Variants in FHL1 observed in about 807,000 individuals in gnomAD.
FHL1 encodes four and a half LIM domains 1, also known as four and a half LIM domains protein 1.
In FHL1, 1 loss-of-function variant was observed where a neutral mutation model predicts 20.3. That is an observed-to-expected ratio of 0.05 (90% CI 0.02 to 0.23). FHL1 has a LOEUF of 0.23. FHL1 is among the 10% of genes least tolerant of loss of function. The pLI is 1.00. For missense variants in FHL1, 177 were observed against 234.0 expected, an observed-to-expected ratio of 0.76 and a Z score of 1.59; for synonymous variants, 82 against 88.9, an observed-to-expected ratio of 0.92 and a Z score of 0.44.
chrX:136,164,490 A>G (rs1458662695), intron 1 of FHL1, among the ~76,000 whole-genome samples: 1 of 111,189 alleles, frequency 9.0e-6, no homozygotes, highest in African/African-American at 3.3e-5. Context: ...TCTATTTTCG[A>G]TGGCTTTTTT....
In FHL1 at chrX:136,206,472, T is replaced by C. The variant is rs1313810606; in HGVS notation, c.88T>C (p.Leu30=). The part of the protein sequence containing the change: ...KFDCHYCRDP[L]QGKKYVQKDG... ...TGACTGCCACTACTGCAGGGATCCC[T>C]TGCAGGGGAAGAAGTATGTGCAAAA... Residue 30 remains leucine, a synonymous_variant, in exon 2 of 6, where the codon TTG becomes CTG. Transcript: ENST00000370683. 8.3e-7 allele frequency: 1 copy of C among 1,211,077 alleles called. No homozygotes were observed. The highest frequency in any genetic ancestry group is 1.1e-6 in the Non-Finnish European group (1 of 895,356).
chrX:136,201,365 C>T (rs964402320), intron 1 of FHL1, among the ~76,000 whole-genome samples: 2 of 111,965 alleles, frequency 1.8e-5, no homozygotes, highest in Admixed American at 1.9e-4. Flanking sequence ...AGTGGCCTGC[C>T]AGCACTTGGG....
intron 5 of FHL1, 123 bp from the exon 6 acceptor site, chrX:136,209,748 C>T (rs965735796): frequency 3.8e-5 from 31 of 825,557 alleles, no homozygotes; most frequent in Non-Finnish European, 4.8e-5. Flanking sequence ...CTGGCTCTTG[C>T]GTGCTTGTCG....
chrX:136,162,531 C>G (rs1246133159), intron 1 of FHL1, among the ~76,000 whole-genome samples: 1 of 111,670 alleles, frequency 9.0e-6, no homozygotes, highest in African/African-American at 3.3e-5. Context: ...TTTGTAGTCC[C>G]TGTTTCTCAG....
intron 1 of FHL1, among the ~76,000 whole-genome samples, chrX:136,162,171 C>T (rs113758285): frequency 6.3e-4 from 63 of 99,501 alleles, no homozygotes; most frequent in African/African-American, 2.1e-3. Context: ...AAGCAAAGAA[C>T]GCCCATTCTA....
At chrX:136,154,090 G>A (rs1007543410) in intron 1 of FHL1, among the ~76,000 whole-genome samples, 1 of 112,136 alleles carries the variant, frequency 8.9e-6, no homozygotes, top group African/African-American at 3.2e-5. Flanking sequence ...GCTCAAAGGG[G>A]TCAAGCACCT....
chrX:136,152,769 C>T (rs1300821352), intron 1 of FHL1, among the ~76,000 whole-genome samples: 4 of 104,656 alleles, frequency 3.8e-5, no homozygotes, highest in African/African-American at 1.4e-4. Flanking sequence ...ACGTAGTAGA[C>T]GTTGGATTAT....
rs1372391535 is a variant in FHL1, at chrX:136,211,344, C to T, written c.*1319C>T. On this transcript the variant is annotated 3_prime_UTR_variant, in exon 6 of 6. Coordinates refer to ENST00000370683, the MANE Select transcript of FHL1 (RefSeq NM_001159699.2). ...GTGTATCCTTACAGAAATAAAGCAG[C>T]ATATGAATAACCTGCCTCCTGTCTT... The T allele has an allele frequency of 1.1e-5, 3 of 283,085 alleles. No homozygotes were observed. In the Admixed American group the frequency reaches 1.4e-4, roughly 13 times the overall value. The allele number at this position is 283,085 out of a possible 1,213,427, so 23.3% of individuals were successfully genotyped here.
intron 1 of FHL1, chrX:136,148,613 CCT>C (rs2072176547): frequency 9.0e-6 from 1 of 111,547 alleles, no homozygotes; most frequent in African/African-American, 3.3e-5. Flanking sequence ...CTCTTCCTTT[CCT>C]CTCTGCTCTT....
chrX:136,157,077 A>C (rs995015357), intron 1 of FHL1, among the ~76,000 whole-genome samples: 1 of 111,656 alleles, frequency 9.0e-6, no homozygotes, highest in Admixed American at 9.6e-5. Flanking sequence ...AGAGCAGTGG[A>C]TTTAGACATT....
upstream of FHL1, chrX:136,146,812 G>A (rs755564359): frequency 9.2e-6 from 3 of 327,752 alleles, no homozygotes; most frequent in Non-Finnish European, 1.8e-5. Flanking sequence ...TTTGCCATCG[G>A]TGCTTTCTGA....
rs1256274757 is a variant in FHL1, at chrX:136,210,908, T to G, written c.*883T>G. 2.1e-5 allele frequency: 8 copies of G among 383,000 alleles called. No individual in the cohort carries two copies. The highest frequency in any genetic ancestry group is 3.9e-5 in the Non-Finnish European group (8 of 203,542). 31.6% of individuals were successfully genotyped at this position (383,000 alleles called of 1,213,427 possible). The stretch of plus-strand genomic sequence containing the variant: ...GCCCCCTCAGATGTTCCTGCAGTGC[T>G]GAAATTCATCCTACGGAAGTAACCG... On this transcript the variant is annotated 3_prime_UTR_variant, in exon 6 of 6. Transcript: ENST00000370683.
intron 1 of FHL1, among the ~76,000 whole-genome samples, chrX:136,158,258 T>C (rs2079822160): frequency 8.9e-6 from 1 of 112,169 alleles, no homozygotes; most frequent in Non-Finnish European, 1.9e-5. Flanking sequence ...TATGCTGTTA[T>C]TACTCTCATT....
At position 136,155,265 on chromosome X, in the gene FHL1, C is replaced by G. The variant is rs539695369; in HGVS notation, c.-101+7637C>G. On this transcript the variant is annotated intron_variant, in intron 1 of 7. Transcript: ENST00000394155. Reference sequence around the variant, plus strand: ...CGTTTGCCAGTGTTAACAATTACCCCACCCTGGGCTGGGCCAGGGCTGTTT... The same window carrying G: ...CGTTTGCCAGTGTTAACAATTACCCGACCCTGGGCTGGGCCAGGGCTGTTT... Among the ~76,000 whole-genome samples, 39 of 111,840 alleles carry G rather than the reference C, an allele frequency of 3.5e-4. 1 individual carries two copies. Among genetic ancestry groups the G allele is most frequent in the Middle Eastern group, 4.6e-3 (1 of 216 alleles).
At chrX:136,148,095 T>C (rs1232180438) in intron 1 of FHL1, 1 of 101,841 alleles carries the variant, frequency 9.8e-6, no homozygotes, top group Non-Finnish European at 2.0e-5. Flanking sequence ...CTCTTGGTTC[T>C]TTCAGCCAGG....
chrX:136,209,271 C>T (rs2073941211), intron 5 of FHL1: 1 of 1,210,661 alleles, frequency 8.3e-7, no homozygotes, highest in Non-Finnish European at 1.1e-6. Context: ...GAGTGAGCCA[C>T]CCAGTCTCTA....
upstream of FHL1, among the ~76,000 whole-genome samples, chrX:136,167,274 C>G (rs779314201): frequency 4.5e-5 from 5 of 111,559 alleles, no homozygotes; most frequent in Non-Finnish European, 9.4e-5. Flanking sequence ...GGTGCGATCT[C>G]AGATCACCGC....
chrX:136,197,399 C>T (rs2073585658), intron 1 of FHL1, among the ~76,000 whole-genome samples: 1 of 112,018 alleles, frequency 8.9e-6, no homozygotes, highest in Admixed American at 9.5e-5. Context: ...TTTTTCAGGA[C>T]ATCTCATGAA....
chrX:136,147,652 G>A (rs1368363279), intron 1 of FHL1: 1 of 107,077 alleles, frequency 9.3e-6, no homozygotes, highest in African/African-American at 3.4e-5. Context: ...CTTTCCGCTT[G>A]TGCGCGCGTG....
Sources: gnomAD v4.1 joint callset for allele counts (sites outside exome capture counted in the v4.1 genomes callset) on GRCh38, gnomAD v4.1.1 for gene constraint, MANE v1.5 for transcripts, NCBI Gene and HGNC (gene_info 2026-07-23, HGNC 2026-07-21) for gene names.